The following RGPD4 variants were observed in gnomAD, a reference collection of about 807,000 sequenced individuals.
RGPD4 encodes the protein ranBP2-like and GRIP domain-containing protein 4.
RGPD4 carries 84 observed loss-of-function variants against 141.1 expected under a neutral mutation model. That is an observed-to-expected ratio of 0.60 (90% CI 0.50 to 0.71). RGPD4 has a LOEUF of 0.71. RGPD4 is among the 30% of genes least tolerant of loss of function. RGPD4 has a pLI of 0.00. For synonymous variants in RGPD4, 298 were observed against 566.8 expected (o/e 0.53, Z 6.74); for missense variants, 918 against 1,622.4 (o/e 0.57, Z 7.46).
intron 21 of RGPD4, among the ~76,000 whole-genome samples, chr2:107,882,042 G>A (rs1675381217): frequency 6.6e-6 from 1 of 151,928 alleles, no homozygotes; most frequent in South Asian, 2.1e-4. Flanking sequence ...ATCGAAAGTA[G>A]AAGGCAGAGG....
intron 20 of RGPD4, among the ~76,000 whole-genome samples, chr2:107,873,940 C>T (rs2104502048): frequency 6.8e-6 from 1 of 148,132 alleles, no homozygotes; most frequent in African/African-American, 2.5e-5. Flanking sequence ...GCTGGGTAGC[C>T]CTTAGCAAAG....
chr2:107,840,075 TGTATGTATA>T (rs1237960324), intron 4 of RGPD4, among the ~76,000 whole-genome samples: 1 of 144,868 alleles, frequency 6.9e-6, no homozygotes, highest in Non-Finnish European at 1.5e-5. Flanking sequence ...TGGTACAATG[TGTATGTATA>T]GTTTTCTTTC....
At position 107,829,736 on chromosome 2, in the gene RGPD4, C is replaced by G. The variant is rs182885823; in HGVS notation, c.72+2651C>G. 8.7e-3 allele frequency among the ~76,000 whole-genome samples: 1,326 copies of G among 152,182 alleles called. 13 individuals carry two copies. The highest frequency in any genetic ancestry group is 0.03 in the African/African-American group (1,245 of 41,518). On this transcript the variant is annotated intron_variant, in intron 1 of 22. Transcript: ENST00000408999. ...TGGCGCCGGCGCTTCCTCTTTCTCC[C>G]GGCTTGTTCCCGACGCTTGTTCCCG...
At chr2:107,876,446 C>T (rs1233597720) in intron 20 of RGPD4, among the ~76,000 whole-genome samples, 2 of 151,582 alleles carry the variant, frequency 1.3e-5, no homozygotes, top group Admixed American at 6.6e-5. Flanking sequence ...CGTTGTTAGT[C>T]ATCAAATTTG....
In RGPD4 at chr2:107,854,644, G is replaced by A. The variant is rs1418643713; in HGVS notation, c.1066+1G>A. 6 of 1,250,388 alleles carry A rather than the reference G, an allele frequency of 4.8e-6. No homozygotes were observed. Among genetic ancestry groups the A allele is most frequent in the South Asian group, 4.1e-5 (3 of 72,960 alleles). 77.5% of individuals were successfully genotyped at this position (1,250,388 alleles called of 1,614,324 possible). A position where few individuals can be genotyped will look rare whatever the true frequency, so the allele number is the denominator to read the frequency against. On this transcript the variant is annotated splice_donor_variant, in intron 8 of 22. Coordinates refer to ENST00000408999, the MANE Select transcript of RGPD4 (RefSeq NM_182588.3). LOFTEE classifies it high-confidence loss of function. ...GCCTGTGACCGACTGAGCCAATCAG[G>A]TAATAGTAATATTAAACTAATTTAA...
intron 1 of RGPD4, among the ~76,000 whole-genome samples, chr2:107,833,409 G>C (rs1681563790): frequency 6.6e-6 from 1 of 151,686 alleles, no homozygotes; most frequent in African/African-American, 2.4e-5. Flanking sequence ...CTTGATATTT[G>C]GCAGCTTAAG....
At chr2:107,873,394 G>A (rs1329188533) in intron 20 of RGPD4, among the ~76,000 whole-genome samples, 1 of 128,262 alleles carries the variant, frequency 7.8e-6, no homozygotes, top group East Asian at 2.0e-4. Flanking sequence ...CCAGCATGGT[G>A]AAACCCTGTT....
intron 22 of RGPD4, chr2:107,883,293 G>C: frequency 2.6e-6 from 1 of 387,884 alleles, no homozygotes; most frequent in East Asian, 7.2e-5. Context: ...CCCAACACTT[G>C]GTCTATATAC....
Position 107,879,995 on chromosome 2 carries a change from C to T in RGPD4, c.4952C>T (p.Thr1651Ile), listed in dbSNP as rs932088681. The T allele has an allele frequency of 2.5e-6, 4 of 1,611,246 alleles. No individual in the cohort carries two copies. The highest frequency in any genetic ancestry group is 3.4e-6 in the Non-Finnish European group (4 of 1,179,820). The change falls in exon 21 of 23, where the codon ACC (threonine) becomes ATC (isoleucine). Residue 1651 changes from threonine (T) to isoleucine (I), a missense_variant. Transcript: ENST00000408999. ...KEPPLWHAEF[T>I]KEELVQKLSS... ...CCTCCATTATGGCATGCTGAATTTACCAAAGAAGAATTGGTTCAGAAGCTC... is the reference window on the plus strand; with the variant it reads ...CCTCCATTATGGCATGCTGAATTTATCAAAGAAGAATTGGTTCAGAAGCTC...
chr2:107,826,919 G>C lies in RGPD4; in HGVS notation c.-95G>C. 1.3e-6 allele frequency: 2 copies of C among 1,547,226 alleles called. No homozygotes were observed. Among genetic ancestry groups the C allele is most frequent in the South Asian group, 1.2e-5 (1 of 84,032 alleles). ...AGTGGTCCTCCGCCGGCTACGCGGAGTCAGTGGCTTTCAGGCGCTTTCCTG... is the reference window on the plus strand; with the variant it reads ...AGTGGTCCTCCGCCGGCTACGCGGACTCAGTGGCTTTCAGGCGCTTTCCTG... On this transcript the variant is annotated 5_prime_UTR_variant, in exon 1 of 23. Transcript: ENST00000408999.
At chr2:107,845,532 G>T (rs1365555495) in intron 6 of RGPD4, among the ~76,000 whole-genome samples, 1 of 151,570 alleles carries the variant, frequency 6.6e-6, no homozygotes, top group Middle Eastern at 3.4e-3. Context: ...CCCTGAGGAA[G>T]ATAAAAAGCT....
At chr2:107,877,856 C>G (rs1332996610) in intron 20 of RGPD4, among the ~76,000 whole-genome samples, 2 of 151,734 alleles carry the variant, frequency 1.3e-5, no homozygotes, top group African/African-American at 4.9e-5. Flanking sequence ...GCTCTGTCGC[C>G]AGGCTGAAGT....
At chr2:107,873,660 G>T (rs1899020) in intron 20 of RGPD4, among the ~76,000 whole-genome samples, 5 of 151,598 alleles carry the variant, frequency 3.3e-5, no homozygotes, top group African/African-American at 4.9e-5. Context: ...ATGTATTAAA[G>T]GAGCAAAGAA....
intron 1 of RGPD4, among the ~76,000 whole-genome samples, chr2:107,831,773 G>A (rs1165824537): frequency 6.8e-6 from 1 of 146,236 alleles, no homozygotes; most frequent in Non-Finnish European, 1.5e-5. Flanking sequence ...GGGTTTCACC[G>A]TGTTAGCCAG....
chr2:107,867,230 A>T (rs908907498), intron 18 of RGPD4, among the ~76,000 whole-genome samples: 14 of 151,532 alleles, frequency 9.2e-5, no homozygotes, highest in African/African-American at 3.4e-4. Context: ...TGTTCCTTTT[A>T]TGTACGACAG....
chr2:107,827,598 GC>G (rs1330133119), intron 1 of RGPD4, among the ~76,000 whole-genome samples: 57 of 54,372 alleles, frequency 1.0e-3, no homozygotes, highest in Admixed American at 1.3e-3. Context: ...CCTCGACCTG[GC>G]CCGGCGGCGG....
At chr2:107,832,790 G>T (rs1558789252) in intron 1 of RGPD4, among the ~76,000 whole-genome samples, 1 of 151,732 alleles carries the variant, frequency 6.6e-6, no homozygotes, top group Non-Finnish European at 1.5e-5. Flanking sequence ...AAGTTCTGTT[G>T]TTAGGAGTCT....
At chr2:107,830,343 TAAA>T (rs10547790) in intron 1 of RGPD4, among the ~76,000 whole-genome samples, 563 of 140,478 alleles carry the variant, frequency 4.0e-3, no homozygotes, top group African/African-American at 8.2e-3. Context: ...TAAACAAGCT[TAAA>T]AAAAAAAAAA....
intron 1 of RGPD4, among the ~76,000 whole-genome samples, chr2:107,828,566 G>A (rs867207650): frequency 0.044 from 2,223 of 50,906 alleles, 1 homozygote; most frequent in Middle Eastern, 0.062. Flanking sequence ...CTGCTCCCTG[G>A]CGCGCTCTGT....
Sources: gnomAD v4.1 joint callset for allele counts (sites outside exome capture counted in the v4.1 genomes callset) on GRCh38, gnomAD v4.1.1 for gene constraint, MANE v1.5 for transcripts, NCBI Gene and HGNC (gene_info 2026-07-23, HGNC 2026-07-21) for gene names.